The following NOL4L variants were observed in gnomAD, a reference collection of about 807,000 sequenced individuals.
NOL4L encodes nucleolar protein 4-like.
A neutral mutation model predicts 64.5 loss-of-function variants in NOL4L; 7 were observed. The ratio of observed to expected loss-of-function variants is 0.11; its 90% CI spans 0.06 to 0.20. The LOEUF is 0.20. Ranked by LOEUF, NOL4L falls within the 10% of genes least tolerant of loss-of-function variation. The pLI is 1.00. For synonymous variants in NOL4L, 413 were observed against 401.0 expected, an observed-to-expected ratio of 1.03 and a Z score of -0.36; for missense variants, 680 against 967.1, an observed-to-expected ratio of 0.70 and a Z score of 3.94.
At chr20:32,474,782 G>A (rs1184233786) in intron 4 of NOL4L, 40 bp from the exon 5 acceptor site, 10 of 1,555,060 alleles carry the variant, frequency 6.4e-6, no homozygotes, top group Non-Finnish European at 7.9e-6. Flanking sequence ...AGCAGGGACG[G>A]GCTCTCATCA....
At chr20:32,557,418 C>G (rs1173562741) in intron 1 of NOL4L, among the ~76,000 whole-genome samples, 53 of 152,252 alleles carry the variant, frequency 3.5e-4, no homozygotes, top group Admixed American at 3.5e-3. Flanking sequence ...AAGGCAGAAG[C>G]CTCCTTGGCC....
At chr20:32,551,231 C>A (rs1296274799) in intron 1 of NOL4L, among the ~76,000 whole-genome samples, 1 of 146,720 alleles carries the variant, frequency 6.8e-6, no homozygotes, top group Non-Finnish European at 1.5e-5. Flanking sequence ...CAAAAATTAG[C>A]CGGGCGTGAT....
At chr20:32,514,451 C>T (rs1908232794) in intron 3 of NOL4L, among the ~76,000 whole-genome samples, 1 of 151,744 alleles carries the variant, frequency 6.6e-6, no homozygotes, top group African/African-American at 2.4e-5. Context: ...AAGGTCATGT[C>T]ATTGCACTCC....
intron 4 of NOL4L, among the ~76,000 whole-genome samples, chr20:32,492,943 G>A (rs1019783535): frequency 3.9e-5 from 6 of 152,190 alleles, no homozygotes; most frequent in African/African-American, 1.2e-4. Flanking sequence ...TGAGACCACT[G>A]AGCCAGGCCA....
At chr20:32,447,891 CTG>C in intron 10 of NOL4L, 75 bp from the exon 11 acceptor site, 5 of 1,498,500 alleles carry the variant, frequency 3.3e-6, no homozygotes, top group Non-Finnish European at 4.4e-6. Context: ...TTCCTTGGCA[CTG>C]TCATAACCTA....
At chr20:32,472,149 G>A (rs1185360397) in intron 5 of NOL4L, among the ~76,000 whole-genome samples, 1 of 152,226 alleles carries the variant, frequency 6.6e-6, no homozygotes, top group Non-Finnish European at 1.5e-5. Context: ...CCCATCAGAG[G>A]CGGAGCTCCA....
chr20:32,544,636 G>A (rs775180543), intron 1 of NOL4L, among the ~76,000 whole-genome samples: 2 of 152,180 alleles, frequency 1.3e-5, no homozygotes, highest in Non-Finnish European at 2.9e-5. Context: ...AGGGTGGTCA[G>A]TGGCGGCTCA....
chr20:32,550,363 C>T (rs1187477812), intron 1 of NOL4L, among the ~76,000 whole-genome samples: 2 of 152,220 alleles, frequency 1.3e-5, no homozygotes, highest in South Asian at 2.1e-4. Flanking sequence ...TCTCCGGCCT[C>T]GGCCTCCCGA....
intron 3 of NOL4L, among the ~76,000 whole-genome samples, chr20:32,514,929 C>T (rs568948825): frequency 3.3e-5 from 5 of 152,176 alleles, no homozygotes; most frequent in African/African-American, 9.6e-5. Flanking sequence ...AGCACTCTCG[C>T]GGCCCCGGTC....
intron 1 of NOL4L, among the ~76,000 whole-genome samples, chr20:32,568,130 TCACCATCCTCAC>T (rs530031556): frequency 6.6e-6 from 1 of 151,848 alleles, no homozygotes; most frequent in East Asian, 1.9e-4. Flanking sequence ...ATGACGGCCA[TCACCATCCTCAC>T]CACCATCCCC....
At chr20:32,481,800 G>A (rs977681037) in intron 4 of NOL4L, among the ~76,000 whole-genome samples, 13 of 152,314 alleles carry the variant, frequency 8.5e-5, no homozygotes, top group Middle Eastern at 3.4e-3. Flanking sequence ...GGCCATAAAC[G>A]GGCCTTTTCC....
chr20:32,544,675 C>G (rs1184470000), intron 1 of NOL4L, among the ~76,000 whole-genome samples: 1 of 152,102 alleles, frequency 6.6e-6, no homozygotes, highest in Non-Finnish European at 1.5e-5. Context: ...CTGGCCAGCT[C>G]CCAACTCCAA....
rs575174787 is a variant in NOL4L, at chr20:32,453,757, G to A, written c.1124C>T (p.Pro375Leu). The change falls in exon 7 of 11, where the codon CCC (proline) becomes CTC (leucine). Residue 375 changes from proline to leucine, a missense_variant. Physicochemically the swap from Pro to Leu is moderately conservative, Grantham distance 98. Coordinates refer to ENST00000621426, the MANE Select transcript of NOL4L (RefSeq NM_001256798.2). This position sits in a 1 kb window ranked among gnomAD's most constrained non-coding sequence, Gnocchi z 5.6. ...ATCGTAGCTCCCAGAGCTGTAGGGGGGGGACTAAAAGGAGGGCAAGAGGCA... is the reference window on the plus strand; with the variant it reads ...ATCGTAGCTCCCAGAGCTGTAGGGGAGGGACTAAAAGGAGGGCAAGAGGCA... ...KYGVKTTPES[P>L]PYSSGSYDSI... is the part of the protein sequence containing the mutation. 6.4e-7 allele frequency: 1 copy of A among 1,552,866 alleles called. No homozygotes were observed. Among genetic ancestry groups the A allele is most frequent in the South Asian group, 1.2e-5 (1 of 84,152 alleles).
chr20:32,538,900 T>C (rs2018605282), intron 1 of NOL4L, among the ~76,000 whole-genome samples: 1 of 152,080 alleles, frequency 6.6e-6, no homozygotes, highest in Admixed American at 6.5e-5. Context: ...TGACATACAC[T>C]GAGTAATGTG....
At position 32,464,951 on chromosome 20, in the gene NOL4L, T is replaced by C; in HGVS notation, c.842-8556A>G. On this transcript the variant is annotated intron_variant, in intron 5 of 10. Coordinates refer to ENST00000621426, the MANE Select transcript of NOL4L (RefSeq NM_001256798.2). This position sits in a 1 kb window ranked among gnomAD's most constrained non-coding sequence, Gnocchi z 5.6. ...TGTCTGCACTAGCCTTTTCCAAGGC[T>C]CAGTAGCCGTCCTTGGCTAATGAAT... is the stretch of plus-strand genomic sequence containing the variant. The C allele has an allele frequency of 1.9e-6, 1 of 538,840 alleles. No individual in the cohort carries two copies. The allele number at this position is 538,840 out of a possible 1,614,324, so 33.4% of individuals were successfully genotyped here. A position where few individuals can be genotyped will look rare whatever the true frequency, so the allele number is the denominator to read the frequency against.
Position 32,585,005 on chromosome 20 carries a change from C to T in NOL4L, c.-115G>A, listed in dbSNP as rs1426034640. The T allele has an allele frequency of 5.9e-6, 3 of 508,626 alleles. No homozygotes were observed. Among genetic ancestry groups the T allele is most frequent in the Non-Finnish European group, 7.6e-6 (3 of 395,646 alleles). 31.5% of individuals were successfully genotyped at this position (508,626 alleles called of 1,614,324 possible). On this transcript the variant is annotated 5_prime_UTR_variant, in exon 1 of 11. Transcript: ENST00000621426. Reference sequence around the variant, plus strand: ...GGACGCGCCGCGGCCGCGTCTGTCCCGCGGTGTGGCTCCGGCGAGGCTGCT... The same window carrying T: ...GGACGCGCCGCGGCCGCGTCTGTCCTGCGGTGTGGCTCCGGCGAGGCTGCT...
At chr20:32,449,137 GAA>G (rs1214510010) in intron 10 of NOL4L, among the ~76,000 whole-genome samples, 3 of 152,238 alleles carry the variant, frequency 2.0e-5, no homozygotes, top group Admixed American at 6.5e-5. Context: ...AACAGCCAAA[GAA>G]GAGAGAATCT....
At position 32,444,364 on chromosome 20, in the gene NOL4L, A is replaced by G. The variant is rs1442956858; in HGVS notation, c.*3232T>C. The G allele has an allele frequency of 6.6e-6, 1 of 152,216 alleles. No homozygotes were observed. Among genetic ancestry groups the G allele is most frequent in the Non-Finnish European group, 1.5e-5 (1 of 68,038 alleles). 9.4% of individuals were successfully genotyped at this position (152,216 alleles called of 1,614,324 possible). A position where few individuals can be genotyped will look rare whatever the true frequency, so the allele number is the denominator to read the frequency against. On this transcript the variant is annotated 3_prime_UTR_variant, in exon 11 of 11. Coordinates refer to ENST00000621426, the MANE Select transcript of NOL4L (RefSeq NM_001256798.2). The stretch of plus-strand genomic sequence containing the variant: ...AAGTTTTACAAAAAATTACAAATTA[A>G]AAGTATCAACCCTCTGAGTTCAAAG...
intron 4 of NOL4L, among the ~76,000 whole-genome samples, chr20:32,491,454 G>A (rs293545): frequency 0.091 from 13,812 of 152,210 alleles, 936 homozygotes; most frequent in African/African-American, 0.19. Flanking sequence ...GAACTGACGC[G>A]TTTGTGGTAC....
Sources: allele counts gnomAD v4.1 joint callset (sites outside exome capture counted in the v4.1 genomes callset), GRCh38; gene constraint gnomAD v4.1.1; non-coding constraint Gnocchi (gnomAD v3.1); transcripts MANE v1.5; gene names NCBI Gene and HGNC (gene_info 2026-07-23, HGNC 2026-07-21).